The following TTLL5 variants were observed in gnomAD, a reference collection of about 807,000 sequenced individuals.
The protein encoded by TTLL5 is tubulin polyglutamylase TTLL5.
Under a neutral mutation model 168.4 loss-of-function variants are expected in TTLL5, and 132 were observed. The observed-to-expected ratio is 0.78, with a 90% CI of 0.68 to 0.91. The LOEUF is 0.91. Ranked by LOEUF, TTLL5 falls within the 40% of genes least tolerant of loss-of-function variation. The probability of loss-of-function intolerance (pLI) is 0.00; values close to 1 mark genes in which losing one functional copy is unlikely to be tolerated. For synonymous variants in TTLL5, 546 were observed against 558.6 expected (o/e 0.98, Z 0.32); for missense variants, 1,545 against 1,581.5 (o/e 0.98, Z 0.39).
At chr14:75,827,917 C>G (rs1895315870) in intron 28 of TTLL5, among the ~76,000 whole-genome samples, 1 of 151,566 alleles carries the variant, frequency 6.6e-6, no homozygotes, top group Non-Finnish European at 1.5e-5. Flanking sequence ...GGGGTTTCAC[C>G]ATGTTCCCAG....
At chr14:75,770,179 G>GAAAAAAAAAAAAAA (rs56876692) in intron 20 of TTLL5, among the ~76,000 whole-genome samples, 4 of 84,998 alleles carry the variant, frequency 4.7e-5, no homozygotes, top group African/African-American at 1.0e-4. Flanking sequence ...ACTCTGTCTC[G>GAAAAAAAAAAAAAA]AAAAAAAAAA....
At chr14:75,821,407 C>G (rs994794190) in intron 28 of TTLL5, among the ~76,000 whole-genome samples, 6 of 152,102 alleles carry the variant, frequency 3.9e-5, no homozygotes, top group Non-Finnish European at 8.8e-5. Context: ...TACCATAGAG[C>G]TTTATTTTCC....
intron 28 of TTLL5, among the ~76,000 whole-genome samples, chr14:75,835,040 C>T (rs1895796225): frequency 6.6e-6 from 1 of 152,164 alleles, no homozygotes; most frequent in Non-Finnish European, 1.5e-5. Context: ...TTAACTCCAA[C>T]CTGGGCAACA....
intron 27 of TTLL5, among the ~76,000 whole-genome samples, chr14:75,811,693 G>A (rs1345993964): frequency 6.6e-6 from 1 of 152,208 alleles, no homozygotes; most frequent in Non-Finnish European, 1.5e-5. Flanking sequence ...TCTTTGAGGT[G>A]TGGACTTCTC....
chr14:75,745,636 T>A, intron 17 of TTLL5, 55 bp downstream of exon 17: 5 of 1,410,790 alleles, frequency 3.5e-6, no homozygotes. Context: ...AGAATTAGAT[T>A]AATTGTGATA....
chr14:75,931,883 CAAT>C (rs1307064515), intron 31 of TTLL5, among the ~76,000 whole-genome samples: 1 of 152,134 alleles, frequency 6.6e-6, no homozygotes, highest in African/African-American at 2.4e-5. Context: ...GAATTTGCTA[CAAT>C]GTTTTATTTT....
At chr14:75,678,726 CTG>C (rs1317229150) in intron 3 of TTLL5, among the ~76,000 whole-genome samples, 1 of 152,152 alleles carries the variant, frequency 6.6e-6, no homozygotes, top group East Asian at 1.9e-4. Flanking sequence ...CTTAGTGAAA[CTG>C]TATCCCCAGT....
At chr14:75,883,508 T>C (rs1208915368) in intron 30 of TTLL5, among the ~76,000 whole-genome samples, 1 of 152,238 alleles carries the variant, frequency 6.6e-6, no homozygotes, top group East Asian at 1.9e-4. Flanking sequence ...AGGCACGCAT[T>C]GCCTGCTGTG....
intron 31 of TTLL5, chr14:75,904,050 C>A: frequency 1.7e-6 from 2 of 1,191,258 alleles, no homozygotes. Context: ...TACCTCATAA[C>A]CTTTTCTCTT....
chr14:75,798,961 G>C (rs909217108), intron 27 of TTLL5, among the ~76,000 whole-genome samples: 34 of 152,160 alleles, frequency 2.2e-4, no homozygotes, highest in African/African-American at 8.2e-4. Flanking sequence ...AGAATGTTCT[G>C]TAAATATCCG....
At chr14:75,686,550 G>A (rs1409451645) in intron 5 of TTLL5, among the ~76,000 whole-genome samples, 3 of 152,142 alleles carry the variant, frequency 2.0e-5, no homozygotes, top group African/African-American at 4.8e-5. Flanking sequence ...ATTTATAAAC[G>A]TGGATTAGAT....
intron 29 of TTLL5, among the ~76,000 whole-genome samples, chr14:75,871,562 CT>C: frequency 6.7e-6 from 1 of 148,208 alleles, no homozygotes; most frequent in African/African-American, 2.5e-5. Context: ...ATACACAAAT[CT>C]TTAAAAAAAA....
At chr14:75,846,667 G>A (rs1417469571) in intron 28 of TTLL5, among the ~76,000 whole-genome samples, 9 of 152,028 alleles carry the variant, frequency 5.9e-5, no homozygotes, top group South Asian at 2.1e-4. Context: ...GCGCGTGCCC[G>A]TAATCCCAGC....
chr14:75,766,436 A>G (rs752313426), intron 20 of TTLL5, 68 bp downstream of exon 20: 5 of 1,387,074 alleles, frequency 3.6e-6, no homozygotes, highest in Middle Eastern at 2.6e-4. Context: ...ACCAGCTACT[A>G]TTTTAGTGGT....
intron 21 of TTLL5, among the ~76,000 whole-genome samples, chr14:75,773,966 AGAGAG>A (rs1566598256): frequency 1.7e-3 from 214 of 122,400 alleles, no homozygotes; most frequent in African/African-American, 6.0e-3. Context: ...AAAGAGAGAG[AGAGAG>A]AGAGAGAGAG....
chr14:75,799,422 G>T (rs1486174463), intron 27 of TTLL5, among the ~76,000 whole-genome samples: 1 of 152,076 alleles, frequency 6.6e-6, no homozygotes, highest in East Asian at 1.9e-4. Flanking sequence ...GAAGACAGCA[G>T]ATTTTGTATC....
chr14:75,795,255 C>G (rs1470857553), intron 27 of TTLL5, among the ~76,000 whole-genome samples: 2 of 152,174 alleles, frequency 1.3e-5, no homozygotes, highest in Non-Finnish European at 2.9e-5. Context: ...TATGCAAAAC[C>G]TCTAAATGCA....
chr14:75,838,173 G>A (rs996388815), intron 28 of TTLL5: 3 of 152,118 alleles, frequency 2.0e-5, no homozygotes, highest in African/African-American at 4.8e-5. Flanking sequence ...CTCTGGTGCA[G>A]GTCTTTACTA....
At chr14:75,677,732 C>T (rs1045835407) in intron 3 of TTLL5, among the ~76,000 whole-genome samples, 3 of 151,776 alleles carry the variant, frequency 2.0e-5, no homozygotes, top group African/African-American at 7.3e-5. Context: ...GTCCTCTTAC[C>T]TCAGCCTCCT....
Sources: gnomAD v4.1 joint callset for allele counts (sites outside exome capture counted in the v4.1 genomes callset) on GRCh38, gnomAD v4.1.1 for gene constraint, MANE v1.5 for transcripts, NCBI Gene and HGNC (gene_info 2026-07-23, HGNC 2026-07-21) for gene names.